The following CHRM3 variants were observed in gnomAD, a reference collection of about 807,000 sequenced individuals.
CHRM3 encodes the protein muscarinic acetylcholine receptor M3.
In CHRM3, 11 loss-of-function variants were observed where a neutral mutation model predicts 41.8. The observed-to-expected ratio is 0.26, with a 90% confidence interval of 0.17 to 0.44. The LOEUF (loss-of-function observed/expected upper bound fraction) is 0.44. Ranked by LOEUF, CHRM3 falls within the 20% of genes least tolerant of loss-of-function variation. The probability of loss-of-function intolerance (pLI) is 1.00; values close to 1 mark genes in which losing one functional copy is unlikely to be tolerated. For synonymous variants in CHRM3, 297 were observed against 301.4 expected (o/e 0.99, Z 0.15); for missense variants, 571 against 745.4 (o/e 0.77, Z 2.72).
chr1:239,825,915 GA>G (rs1672418681), intron 5 of CHRM3, among the ~76,000 whole-genome samples: 1 of 152,098 alleles, frequency 6.6e-6, no homozygotes, highest in African/African-American at 2.4e-5. Context: ...CAACATAGAT[GA>G]ACCTTGAGAA....
intron 6 of CHRM3, among the ~76,000 whole-genome samples, chr1:239,833,799 C>A (rs1429115286): frequency 1.3e-5 from 2 of 152,150 alleles, no homozygotes; most frequent in Non-Finnish European, 2.9e-5. Context: ...TGGAGCTCAG[C>A]TCCCTTGGAA....
chr1:239,530,590 A>G (rs1670334024), intron 2 of CHRM3, among the ~76,000 whole-genome samples: 1 of 152,226 alleles, frequency 6.6e-6, no homozygotes. Context: ...TATAGTAAGT[A>G]TGGCCTAAGA....
intron 2 of CHRM3, among the ~76,000 whole-genome samples, chr1:239,498,935 T>A (rs1668048980): frequency 6.6e-6 from 1 of 152,200 alleles, no homozygotes; most frequent in Non-Finnish European, 1.5e-5. Context: ...CCTTTTTATT[T>A]AGCGTGCTTC....
intron 2 of CHRM3, among the ~76,000 whole-genome samples, chr1:239,537,015 T>A (rs1658267178): frequency 6.6e-6 from 1 of 152,202 alleles, no homozygotes; most frequent in Admixed American, 6.5e-5. Context: ...AGTGTCACTT[T>A]TTTGGTCTCT....
At chr1:239,688,226 T>A (rs1659337633) in intron 5 of CHRM3, among the ~76,000 whole-genome samples, 1 of 148,386 alleles carries the variant, frequency 6.7e-6, no homozygotes, top group African/African-American at 2.5e-5. Context: ...CACATGCACA[T>A]ATATGTATTA....
chr1:239,821,329 A>G (rs555331478), intron 5 of CHRM3, among the ~76,000 whole-genome samples: 1 of 152,376 alleles, frequency 6.6e-6, no homozygotes, highest in East Asian at 1.9e-4. Flanking sequence ...CTCAGTTAAC[A>G]TACTTCAGCA....
intron 2 of CHRM3, among the ~76,000 whole-genome samples, chr1:239,512,892 C>A (rs1669017793): frequency 6.6e-6 from 1 of 151,770 alleles, no homozygotes; most frequent in Non-Finnish European, 1.5e-5. Flanking sequence ...GGGTTTTGGG[C>A]CTGCTTGGTC....
chr1:239,864,146 G>A (rs1195069594), intron 6 of CHRM3, among the ~76,000 whole-genome samples: 2 of 151,740 alleles, frequency 1.3e-5, no homozygotes, highest in African/African-American at 2.4e-5. Context: ...TTAGGAGGCC[G>A]AGGAAAGAGG....
At chr1:239,884,562 CACTA>C (rs1677910523) in intron 6 of CHRM3, among the ~76,000 whole-genome samples, 1 of 152,204 alleles carries the variant, frequency 6.6e-6, no homozygotes, top group African/African-American at 2.4e-5. Context: ...TTGAAGATTG[CACTA>C]ACTACTTCTT....
intron 6 of CHRM3, among the ~76,000 whole-genome samples, chr1:239,829,655 AGGACAGAT>A (rs1160510706): frequency 6.6e-6 from 1 of 152,198 alleles, no homozygotes; most frequent in Non-Finnish European, 1.5e-5. Context: ...GGGGAAGGCT[AGGACAGAT>A]GGCACAGCAG....
intron 5 of CHRM3, among the ~76,000 whole-genome samples, chr1:239,770,953 T>C (rs1159586613): frequency 1.3e-5 from 2 of 151,972 alleles, no homozygotes; most frequent in Non-Finnish European, 2.9e-5. Flanking sequence ...CTGGGCCTGG[T>C]GGTGGGTGCC....
At chr1:239,645,759 G>A (rs916120656) in intron 4 of CHRM3, among the ~76,000 whole-genome samples, 9 of 151,674 alleles carry the variant, frequency 5.9e-5, no homozygotes, top group Admixed American at 5.2e-4. Context: ...ACAAAAAAAT[G>A]TAACAAAAGA....
intron 6 of CHRM3, among the ~76,000 whole-genome samples, chr1:239,832,500 A>T (rs111527777): frequency 3.1e-4 from 47 of 152,200 alleles, no homozygotes; most frequent in African/African-American, 9.4e-4. Context: ...CAGTAGACAA[A>T]CTGTTACCGG....
intron 2 of CHRM3, among the ~76,000 whole-genome samples, chr1:239,504,220 C>CA (rs1001200975): frequency 4.0e-5 from 6 of 151,388 alleles, no homozygotes; most frequent in African/African-American, 9.7e-5. Context: ...AAGAGAAAAA[C>CA]AAAAAAACAA....
chr1:239,773,429 A>T (rs732160), intron 5 of CHRM3, among the ~76,000 whole-genome samples: 30,594 of 152,134 alleles, frequency 0.2, 3,891 homozygotes, highest in Non-Finnish European at 0.28. Flanking sequence ...CTGCTATTGA[A>T]TTAACTACTT....
At chr1:239,834,809 C>A (rs1405544383) in intron 6 of CHRM3, among the ~76,000 whole-genome samples, 3 of 152,258 alleles carry the variant, frequency 2.0e-5, no homozygotes, top group Non-Finnish European at 4.4e-5. Context: ...TTCTACCCCA[C>A]GATCTAGTAC....
intron 1 of CHRM3, among the ~76,000 whole-genome samples, chr1:239,471,696 A>G (rs773893283): frequency 6.6e-5 from 10 of 152,194 alleles, no homozygotes; most frequent in East Asian, 1.9e-4. Context: ...TCTCTGCCCA[A>G]GGCCTCAGAG....
intron 2 of CHRM3, among the ~76,000 whole-genome samples, chr1:239,522,209 C>T (rs1057147925): frequency 5.3e-5 from 8 of 152,170 alleles, no homozygotes; most frequent in African/African-American, 1.7e-4. Context: ...TGCCATCCTT[C>T]TTGCTTTCTT....
At chr1:239,670,477 T>C (rs1216274486) in intron 4 of CHRM3, among the ~76,000 whole-genome samples, 1 of 152,160 alleles carries the variant, frequency 6.6e-6, no homozygotes, top group Non-Finnish European at 1.5e-5. Flanking sequence ...TATCACATTT[T>C]GCTTCTCCAG....
Sources: gnomAD v4.1 joint callset for allele counts (sites outside exome capture counted in the v4.1 genomes callset) on GRCh38, gnomAD v4.1.1 for gene constraint, MANE v1.5 for transcripts, NCBI Gene and HGNC (gene_info 2026-07-23, HGNC 2026-07-21) for gene names.